LASP1: variants seen among roughly 807,000 people sequenced by gnomAD.
LASP1 encodes LIM and SH3 protein 1.
LASP1 carries 10 observed loss-of-function variants against 38.6 expected under a neutral mutation model. The ratio of observed to expected loss-of-function variants is 0.26; its 90% confidence interval spans 0.16 to 0.44. The LOEUF is 0.44. LASP1 is among the 20% of genes least tolerant of loss of function. LASP1 has a pLI of 1.00. For missense variants in LASP1, 243 were observed against 375.7 expected, an observed-to-expected ratio of 0.65 and a Z score of 2.92; for synonymous variants, 132 against 140.8, an observed-to-expected ratio of 0.94 and a Z score of 0.44.
At chr17:38,875,827 C>T (rs969259130) in intron 1 of LASP1, among the ~76,000 whole-genome samples, 3 of 152,172 alleles carry the variant, frequency 2.0e-5, no homozygotes, top group Admixed American at 2.0e-4. Flanking sequence ...TGAAAAGCAT[C>T]GCCTTGGGGG....
At chr17:38,881,655 G>T (rs948094107) in intron 2 of LASP1, among the ~76,000 whole-genome samples, 5 of 152,190 alleles carry the variant, frequency 3.3e-5, no homozygotes, top group African/African-American at 1.2e-4. Context: ...CTTCTCTGAA[G>T]CATCACGTGC....
chr17:38,914,512 C>A, intron 5 of LASP1, 37 bp downstream of exon 5: 1 of 1,561,090 alleles, frequency 6.4e-7, no homozygotes, highest in South Asian at 1.2e-5. Flanking sequence ...TGACCTGAGG[C>A]GAGGCCAGTG....
At chr17:38,911,343 G>A (rs1914936739) in intron 4 of LASP1, among the ~76,000 whole-genome samples, 1 of 152,206 alleles carries the variant, frequency 6.6e-6, no homozygotes, top group Non-Finnish European at 1.5e-5. Flanking sequence ...AGGGTGGGCT[G>A]CCTCCAGGTT....
intron 4 of LASP1, among the ~76,000 whole-genome samples, chr17:38,912,304 C>T (rs936985873): frequency 7.9e-5 from 12 of 152,330 alleles, no homozygotes; most frequent in South Asian, 2.1e-4. Flanking sequence ...GTGGGCCTTA[C>T]GCCGCATGGA....
intron 2 of LASP1, among the ~76,000 whole-genome samples, chr17:38,887,742 G>C (rs1914183627): frequency 6.6e-6 from 1 of 152,206 alleles, no homozygotes; most frequent in Admixed American, 6.5e-5. Flanking sequence ...GGCAGGGCCA[G>C]AGCCCTGCAC....
intron 1 of LASP1, among the ~76,000 whole-genome samples, chr17:38,870,578 C>A (rs1398733341): frequency 6.6e-6 from 1 of 152,132 alleles, no homozygotes; most frequent in African/African-American, 2.4e-5. Context: ...GGGTGCAGTC[C>A]CGCCCCCTAC....
At chr17:38,893,816 G>C (rs780359009) in intron 3 of LASP1, among the ~76,000 whole-genome samples, 1 of 152,280 alleles carries the variant, frequency 6.6e-6, no homozygotes, top group East Asian at 1.9e-4. Context: ...TGGCTGCCGT[G>C]GGGGCAGAGC....
At position 38,920,194 on chromosome 17, in the gene LASP1, C is replaced by A; in HGVS notation, c.*1416C>A. 1 of 510,174 alleles carries A rather than the reference C, an allele frequency of 2.0e-6. No homozygotes were observed. The highest frequency in any genetic ancestry group is 3.8e-6 in the Non-Finnish European group (1 of 260,502). The allele number at this position is 510,174 out of a possible 1,614,324, so 31.6% of individuals were successfully genotyped here. A position where few individuals can be genotyped will look rare whatever the true frequency, so the allele number is the denominator to read the frequency against. The stretch of plus-strand genomic sequence containing the variant: ...GCTGGGGCTAAGCGGTGGAGGAAGG[C>A]TCTGTCACTCCAGGCATATGTTTCC... On this transcript the variant is annotated 3_prime_UTR_variant, in exon 7 of 7. Coordinates refer to ENST00000318008, the MANE Select transcript of LASP1 (RefSeq NM_006148.4).
chr17:38,887,155 C>T (rs527685931), intron 2 of LASP1, among the ~76,000 whole-genome samples: 52 of 152,310 alleles, frequency 3.4e-4, no homozygotes, highest in African/African-American at 1.2e-3. Context: ...TAACCAGCCT[C>T]ATCTTCTCAG....
chr17:38,909,247 G>A (rs909447906), intron 4 of LASP1, among the ~76,000 whole-genome samples: 9 of 152,146 alleles, frequency 5.9e-5, no homozygotes, highest in African/African-American at 2.2e-4. Context: ...TCCTCATGGA[G>A]CACTCAAACC....
intron 6 of LASP1, among the ~76,000 whole-genome samples, chr17:38,917,524 G>A (rs1205968428): frequency 1.3e-5 from 2 of 152,066 alleles, no homozygotes; most frequent in Non-Finnish European, 2.9e-5. Flanking sequence ...CTGAGGCTTG[G>A]AAGGTGGAAC....
At position 38,907,348 on chromosome 17, in the gene LASP1, G is replaced by T. The variant is rs1914802397; in HGVS notation, c.358-6977G>T. ...TCATTCTTGTTGAGAGTGAAAAGGG[G>T]TGCATTGAAATTTATCCCTGAGCAG... On this transcript the variant is annotated intron_variant, in intron 4 of 6. Coordinates refer to ENST00000318008, the MANE Select transcript of LASP1 (RefSeq NM_006148.4). 2.0e-5 allele frequency among the ~76,000 whole-genome samples: 3 copies of T among 152,212 alleles called. No individual in the cohort carries two copies. In the South Asian group the frequency reaches 6.2e-4, roughly 32 times the overall value.
intron 2 of LASP1, among the ~76,000 whole-genome samples, chr17:38,886,422 C>T (rs957242469): frequency 1.3e-5 from 2 of 152,114 alleles, no homozygotes; most frequent in African/African-American, 4.8e-5. Context: ...AGCTTGGAGG[C>T]TCTGGAGTGC....
chr17:38,908,645 C>T (rs1032044281), intron 4 of LASP1, among the ~76,000 whole-genome samples: 1 of 152,178 alleles, frequency 6.6e-6, no homozygotes. Context: ...TGATCCTGAC[C>T]CAAACCCCTA....
At chr17:38,884,333 C>A (rs72625946) in intron 2 of LASP1, among the ~76,000 whole-genome samples, 1 of 151,288 alleles carries the variant, frequency 6.6e-6, no homozygotes, top group East Asian at 1.9e-4. Flanking sequence ...TCACAGATAA[C>A]CCCTCTCCTG....
At chr17:38,889,082 T>G (rs1266957019) in intron 2 of LASP1, among the ~76,000 whole-genome samples, 1 of 152,240 alleles carries the variant, frequency 6.6e-6, no homozygotes, top group Admixed American at 6.5e-5. Flanking sequence ...CTAGGGCACA[T>G]AAGCCCTTAG....
chr17:38,884,413 GT>G, intron 2 of LASP1, among the ~76,000 whole-genome samples: 1 of 147,476 alleles, frequency 6.8e-6, no homozygotes, highest in South Asian at 2.1e-4. Context: ...TTGAGACAGA[GT>G]TTCGCTCTTG....
chr17:38,898,466 G>A lies in LASP1; in HGVS notation c.304G>A (p.Ala102Thr), dbSNP rs1198134743. Residue 102 changes from alanine (A) to threonine (T), a missense_variant, in exon 4 of 7, where the codon GCA (alanine) becomes ACA (threonine). Physicochemically the swap from Ala to Thr is moderately conservative, Grantham distance 58 (BLOSUM62 0). Transcript: ENST00000318008. ...CAAGGGCAAAGGTTTCAGCGTAGTG[G>A]CAGACACGCCCGAGCTCCAGAGAAT... ...KNKGKGFSVV[A>T]DTPELQRIKK... 1 of 1,551,624 alleles carries A rather than the reference G, an allele frequency of 6.4e-7. No individual in the cohort carries two copies. The highest frequency in any genetic ancestry group is 8.7e-7 in the Non-Finnish European group (1 of 1,146,912).
intron 3 of LASP1, among the ~76,000 whole-genome samples, chr17:38,893,104 A>G (rs1186304211): frequency 6.6e-6 from 1 of 152,216 alleles, no homozygotes. Flanking sequence ...TATCCCCATC[A>G]TACAGATAGG....
Sources: allele counts gnomAD v4.1 joint callset (sites outside exome capture counted in the v4.1 genomes callset), GRCh38; gene constraint gnomAD v4.1.1; transcripts MANE v1.5; gene names NCBI Gene and HGNC (gene_info 2026-07-23, HGNC 2026-07-21).